Variants in ZNF544 observed in about 807,000 individuals in gnomAD.
ZNF544 encodes the protein zinc finger protein AF020591.
ZNF544 carries 10 observed loss-of-function variants against 13.5 expected under a neutral mutation model. The ratio of observed to expected loss-of-function variants is 0.74; its 90% confidence interval spans 0.46 to 1.25. ZNF544 has a LOEUF of 1.25. Ranked by LOEUF, ZNF544 falls within the 50% of genes most tolerant of loss-of-function variation. The pLI, the probability that ZNF544 is intolerant of heterozygous loss-of-function variation, is 0.00. For missense variants in ZNF544, 896 were observed against 845.6 expected (o/e 1.06, Z -0.74); for synonymous variants, 323 against 300.5 (o/e 1.07, Z -0.77).
intron 5 of ZNF544, 52 bp from the exon 6 acceptor site, chr19:58,246,659 T>C: frequency 6.3e-7 from 1 of 1,589,826 alleles, no homozygotes; most frequent in Non-Finnish European, 8.6e-7. Context: ...ACCCAGGACA[T>C]GGTTCTTGGT....
At chr19:58,242,289 C>T (rs758248228) in intron 3 of ZNF544, 8 of 985,220 alleles carry the variant, frequency 8.1e-6, no homozygotes, top group Non-Finnish European at 9.6e-6. Flanking sequence ...AAGAGGTTTC[C>T]CAAGCCTTTG....
rs774054138 is a variant in ZNF544, at chr19:58,263,055, G to T, written c.*301G>T. The T allele has an allele frequency of 1.8e-6, 2 of 1,130,056 alleles. No individual in the cohort carries two copies. The highest frequency in any genetic ancestry group is 2.2e-6 in the Non-Finnish European group (2 of 918,950). The allele number at this position is 1,130,056 out of a possible 1,614,324, so 70.0% of individuals were successfully genotyped here. ...CGGTGTCAACTTACTAGGCAGCAGAGAATTCATACTGGAGAGAAGCCCTGT... is the reference window on the plus strand; with the variant it reads ...CGGTGTCAACTTACTAGGCAGCAGATAATTCATACTGGAGAGAAGCCCTGT... On this transcript the variant is annotated 3_prime_UTR_variant, in exon 7 of 7. Coordinates refer to ENST00000687789, the MANE Select transcript of ZNF544 (RefSeq NM_014480.4).
At chr19:58,249,073 G>A (rs1479612175) in intron 6 of ZNF544, among the ~76,000 whole-genome samples, 1 of 152,150 alleles carries the variant, frequency 6.6e-6, no homozygotes, top group South Asian at 2.1e-4. Context: ...TTTCATCTGC[G>A]ACACAGAAGG....
chr19:58,229,283 G>GGGTGGAACTGGGTGGA (rs1568728726), intron 1 of ZNF544, 185 bp from the exon 2 acceptor site: 2 of 47,252 alleles, frequency 4.2e-5, no homozygotes, highest in African/African-American at 7.5e-5. Flanking sequence ...AACTGGGTGG[G>GGGTGGAACTGGGTGGA]ACTGGGTGGG....
chr19:58,232,946 CAAAAA>C (rs71190012), intron 3 of ZNF544, among the ~76,000 whole-genome samples: 1 of 46,078 alleles, frequency 2.2e-5, no homozygotes, highest in Admixed American at 3.1e-4. Context: ...GACTCCATCT[CAAAAA>C]AAAAAAAAAA....
chr19:58,274,730 T>G (rs969544964), intron 5 of ZNF544, among the ~76,000 whole-genome samples: 2 of 152,134 alleles, frequency 1.3e-5, no homozygotes. Context: ...GTATTATATT[T>G]TTTCAAATCT....
Position 58,246,379 on chromosome 19 carries a change from CTG to C in ZNF544, c.114_115del (p.Tyr39ProfsTer22). The C allele has an allele frequency of 1.2e-6, 2 of 1,614,122 alleles. No homozygotes were observed. The highest frequency in any genetic ancestry group is 2.7e-5 in the African/African-American group (2 of 75,030). ...ACAGCTGGACCTGGCCCAGAGGACA[CTG>C]TACCGAGAGGTGACACTGGAGACCT... ...WEQLDLAQRT[L>X]YREVTLETWE... is the part of the protein sequence containing the mutation. On this transcript the variant is annotated frameshift_variant, in exon 5 of 7. Coordinates refer to ENST00000687789, the MANE Select transcript of ZNF544 (RefSeq NM_014480.4). LOFTEE classifies it high-confidence loss of function.
chr19:58,256,161 A>G (rs922896769), intron 6 of ZNF544, among the ~76,000 whole-genome samples: 1 of 152,216 alleles, frequency 6.6e-6, no homozygotes, highest in African/African-American at 2.4e-5. Flanking sequence ...CTATATGGAA[A>G]AGGGAAAACA....
chr19:58,245,189 C>A (rs1056276959), intron 4 of ZNF544, among the ~76,000 whole-genome samples: 1 of 151,972 alleles, frequency 6.6e-6, no homozygotes, highest in Non-Finnish European at 1.5e-5. Flanking sequence ...ATCCACCCAT[C>A]TCGGCCTCCC....
Position 58,263,505 on chromosome 19 carries a change from CTAGAAATCAGGTG to C in ZNF544, c.*752_*764del. On this transcript the variant is annotated 3_prime_UTR_variant, in exon 7 of 7. Transcript: ENST00000687789. ...AAATTTCCCTGCCAGACCTTGTTTA[CTAGAAATCAGGTG>C]GCCAAAACATGACTCTCAGAGTGGG... 1 of 985,410 alleles carries C rather than the reference CTAGAAATCAGGTG, an allele frequency of 1.0e-6. No individual in the cohort carries two copies. The highest frequency in any genetic ancestry group is 1.2e-6 in the Non-Finnish European group (1 of 829,942). 61.0% of individuals were successfully genotyped at this position (985,410 alleles called of 1,614,324 possible). A position where few individuals can be genotyped will look rare whatever the true frequency, so the allele number is the denominator to read the frequency against.
intron 5 of ZNF544, among the ~76,000 whole-genome samples, chr19:58,272,144 G>C (rs938336050): frequency 1.4e-5 from 2 of 144,532 alleles, no homozygotes; most frequent in African/African-American, 5.1e-5. Context: ...CTGGGCAACA[G>C]AGTGAGACTC....
Position 58,276,170 on chromosome 19 carries a change from C to G in ZNF544, c.245-153C>G, listed in dbSNP as rs867386819. Among the ~76,000 whole-genome samples the G allele has an allele frequency of 2.0e-5, 3 of 151,952 alleles. No homozygotes were observed. In the South Asian group the frequency reaches 6.2e-4, roughly 31 times the overall value. On this transcript the variant is annotated intron_variant, in intron 5 of 6. Coordinates refer to the ZNF544 transcript ENST00000595981. ...CCAGCTTGGACAACAGAGTGAGACC[C>G]TGTCTCAAAAAACAAATAAACAACA...
At chr19:58,239,855 C>T (rs933319811) in intron 3 of ZNF544, among the ~76,000 whole-genome samples, 1 of 150,898 alleles carries the variant, frequency 6.6e-6, no homozygotes, top group African/African-American at 2.4e-5. Context: ...CCCAAGATTG[C>T]GCCACTACAC....
chr19:58,237,204 C>T lies in ZNF544; in HGVS notation c.-60+6742C>T, dbSNP rs557457195. ...TCAGCCTCCCAGGTAGCTGGGACTA[C>T]AGGTGTGCGCCACCACACCTGGCTA... is the stretch of plus-strand genomic sequence containing the variant. On this transcript the variant is annotated intron_variant, in intron 3 of 6. Transcript: ENST00000687789. Among the ~76,000 whole-genome samples the T allele has an allele frequency of 1.7e-3, 257 of 152,142 alleles. 1 individual carries two copies. Among genetic ancestry groups the T allele is most frequent in the Admixed American group, 2.5e-3 (38 of 15,266 alleles).
rs113815418 is a variant in ZNF544 at position 58,251,419 on chromosome 19, T to C, written c.244+4625T>C. On this transcript the variant is annotated intron_variant, in intron 6 of 6. Transcript: ENST00000687789. Reference sequence around the variant, plus strand: ...GACACCAGAAAGATGTATCCAACTATCTAATCCTAGTACTTTGACCCCAGA... The same window carrying C: ...GACACCAGAAAGATGTATCCAACTACCTAATCCTAGTACTTTGACCCCAGA... The C allele has an allele frequency of 1.8e-3, 936 of 518,502 alleles. 9 individuals carry two copies. The highest frequency in any genetic ancestry group is 0.014 in the African/African-American group (724 of 52,084). The allele number at this position is 518,502 out of a possible 1,614,324, so 32.1% of individuals were successfully genotyped here. A position where few individuals can be genotyped will look rare whatever the true frequency, so the allele number is the denominator to read the frequency against.
chr19:58,254,852 ATTTC>A (rs1253302144), intron 6 of ZNF544, among the ~76,000 whole-genome samples: 102 of 148,392 alleles, frequency 6.9e-4, no homozygotes, highest in African/African-American at 2.3e-3. Flanking sequence ...GAGATTGAGA[ATTTC>A]TTTCTTTCTT....
At chr19:58,249,843 G>T (rs1377647928) in intron 6 of ZNF544, among the ~76,000 whole-genome samples, 1 of 151,898 alleles carries the variant, frequency 6.6e-6, no homozygotes, top group Non-Finnish European at 1.5e-5. Context: ...TTTTACTTTG[G>T]GCAATGTCAT....
At chr19:58,264,774 G>A (rs997603392), downstream of ZNF544, among the ~76,000 whole-genome samples, 5 of 152,080 alleles carry the variant, frequency 3.3e-5, no homozygotes, top group Admixed American at 1.3e-4. Flanking sequence ...GAGACCGAGC[G>A]GCCAGGCAGA....
At chr19:58,257,381 T>C (rs2047717008) in intron 6 of ZNF544, 1 of 152,262 alleles carries the variant, frequency 6.6e-6, no homozygotes, top group Non-Finnish European at 1.5e-5. Flanking sequence ...GGGGTTTAAA[T>C]ACCCTCTAGA....
Sources: gnomAD v4.1 joint callset for allele counts (sites outside exome capture counted in the v4.1 genomes callset) on GRCh38, gnomAD v4.1.1 for gene constraint, MANE v1.5 for transcripts, NCBI Gene and HGNC (gene_info 2026-07-23, HGNC 2026-07-21) for gene names.